Variants in PTPRK observed in about 807,000 individuals in gnomAD.
PTPRK encodes receptor-type tyrosine-protein phosphatase kappa.
Under a neutral mutation model 178.0 loss-of-function variants are expected in PTPRK, and 75 were observed. That is an observed-to-expected ratio of 0.42 (90% confidence interval 0.35 to 0.51). The LOEUF is 0.51. Among genes scored for constraint, PTPRK ranks in the 20% least tolerant of loss-of-function variants. The probability of loss-of-function intolerance (pLI) is 0.02; values close to 1 mark genes in which losing one functional copy is unlikely to be tolerated. For missense variants in PTPRK, 1,441 were observed against 1,797.8 expected (o/e 0.80, Z 3.59); for synonymous variants, 637 against 620.6 (o/e 1.03, Z -0.39).
intron 3 of PTPRK, among the ~76,000 whole-genome samples, chr6:128,288,295 T>A (rs1212598886): frequency 6.6e-6 from 1 of 152,226 alleles, no homozygotes; most frequent in Non-Finnish European, 1.5e-5. Flanking sequence ...CATTAAATAC[T>A]AAATTTTATA....
At chr6:128,267,600 C>G (rs1195168960) in intron 3 of PTPRK, among the ~76,000 whole-genome samples, 4 of 151,970 alleles carry the variant, frequency 2.6e-5, no homozygotes, top group Non-Finnish European at 5.9e-5. Flanking sequence ...AAAAAACTTC[C>G]TCAAAAAAGT....
intron 7 of PTPRK, among the ~76,000 whole-genome samples, chr6:128,129,466 A>T (rs1793883904): frequency 6.6e-6 from 1 of 152,178 alleles, no homozygotes; most frequent in South Asian, 2.1e-4. Context: ...GTATTCACCT[A>T]AATTTCATTG....
At chr6:128,411,649 G>A (rs936959187) in intron 1 of PTPRK, among the ~76,000 whole-genome samples, 3 of 152,134 alleles carry the variant, frequency 2.0e-5, no homozygotes, top group Non-Finnish European at 4.4e-5. Flanking sequence ...GATCTCAAAG[G>A]GGACTAATGA....
intron 1 of PTPRK, among the ~76,000 whole-genome samples, chr6:128,400,215 C>A (rs1840845706): frequency 6.6e-6 from 1 of 151,978 alleles, no homozygotes; most frequent in African/African-American, 2.4e-5. Context: ...GAATTGGCTA[C>A]TCACACCAGG....
At chr6:128,177,115 C>T (rs543022392) in intron 7 of PTPRK, among the ~76,000 whole-genome samples, 2 of 151,690 alleles carry the variant, frequency 1.3e-5, no homozygotes, top group Non-Finnish European at 3.0e-5. Flanking sequence ...ATAGCACCAT[C>T]AAAGAAAAGT....
At chr6:128,078,448 A>AC (rs1372900694) in intron 11 of PTPRK, among the ~76,000 whole-genome samples, 1 of 151,706 alleles carries the variant, frequency 6.6e-6, no homozygotes, top group African/African-American at 2.4e-5. Context: ...AAGAAAAACT[A>AC]CCCCCCAACC....
At chr6:128,356,062 A>G (rs1291093534) in intron 2 of PTPRK, among the ~76,000 whole-genome samples, 1 of 152,180 alleles carries the variant, frequency 6.6e-6, no homozygotes, top group Non-Finnish European at 1.5e-5. Flanking sequence ...AAATAGAGAA[A>G]TGCCTAGGTC....
chr6:127,990,916 C>T, intron 20 of PTPRK, 31 bp from the exon 21 acceptor site: 2 of 1,302,154 alleles, frequency 1.5e-6, no homozygotes, highest in Non-Finnish European at 2.2e-6. Flanking sequence ...ATAGACAGAC[C>T]TGAATATATA....
At chr6:128,508,472 T>C (rs1378529406) in intron 1 of PTPRK, among the ~76,000 whole-genome samples, 3 of 152,240 alleles carry the variant, frequency 2.0e-5, no homozygotes, top group African/African-American at 7.2e-5. Context: ...CAACTTTCTA[T>C]ATATGATATA....
intron 1 of PTPRK, among the ~76,000 whole-genome samples, chr6:128,461,231 C>CGTGTGTGTGTGTGT (rs144928884): frequency 2.2e-4 from 32 of 147,072 alleles, no homozygotes; most frequent in African/African-American, 7.4e-4. Context: ...TTTGTTATTC[C>CGTGTGTGTGTGTGT]GTGTGTGTGT....
At chr6:128,381,079 G>A (rs1383209923) in intron 2 of PTPRK, among the ~76,000 whole-genome samples, 1 of 152,154 alleles carries the variant, frequency 6.6e-6, no homozygotes, top group East Asian at 1.9e-4. Context: ...AATTTTTCCA[G>A]TGTCTCAGCT....
At position 128,083,793 on chromosome 6, in the gene PTPRK, T is replaced by C. The variant is rs766127360; in HGVS notation, c.1497A>G (p.Gln499=). The C allele has an allele frequency of 1.2e-6, 2 of 1,604,348 alleles. No homozygotes were observed. Residue 499 remains glutamine, a synonymous_variant, in exon 9 of 30, where the codon CAA becomes CAG. Transcript: ENST00000368226. ...VPGPVPVKSL[Q]GTSFENKIFL... is the part of the protein sequence containing the mutation. ...AGATCTTATTTTCAAAGGATGTTCC[T>C]TGAAGAGATTTTACTGGTACGGGAC... is the stretch of plus-strand genomic sequence containing the variant.
chr6:128,353,046 TA>T (rs1008087002), intron 2 of PTPRK, among the ~76,000 whole-genome samples: 2 of 151,950 alleles, frequency 1.3e-5, no homozygotes, highest in Admixed American at 6.6e-5. Flanking sequence ...ACTCAGCACT[TA>T]AAAAAAACTA....
At chr6:128,480,292 T>C (rs898037193) in intron 1 of PTPRK, among the ~76,000 whole-genome samples, 1 of 152,130 alleles carries the variant, frequency 6.6e-6, no homozygotes, top group Non-Finnish European at 1.5e-5. Flanking sequence ...TCAACTAAAA[T>C]TGGATAGGTG....
At chr6:128,275,589 A>G (rs1372039609) in intron 3 of PTPRK, among the ~76,000 whole-genome samples, 2 of 152,040 alleles carry the variant, frequency 1.3e-5, no homozygotes, top group East Asian at 1.9e-4. Flanking sequence ...AAAAGGGTCA[A>G]AACACTGAAC....
At chr6:128,152,630 G>C (rs1348960231) in intron 7 of PTPRK, among the ~76,000 whole-genome samples, 2 of 151,826 alleles carry the variant, frequency 1.3e-5, no homozygotes, top group East Asian at 3.9e-4. Context: ...CAAAGGGTCT[G>C]AGCAGTGTGT....
intron 1 of PTPRK, among the ~76,000 whole-genome samples, chr6:128,405,185 G>T (rs1243180072): frequency 6.6e-6 from 1 of 151,928 alleles, no homozygotes; most frequent in Non-Finnish European, 1.5e-5. Context: ...ATTTAAATAG[G>T]GTGACTTAAG....
chr6:128,070,550 G>A (rs1407942732), intron 11 of PTPRK, among the ~76,000 whole-genome samples: 1 of 151,870 alleles, frequency 6.6e-6, no homozygotes, highest in Non-Finnish European at 1.5e-5. Flanking sequence ...AATACAAAAA[G>A]ACTTCTGAGA....
intron 7 of PTPRK, among the ~76,000 whole-genome samples, chr6:128,183,680 T>C (rs1271218201): frequency 1.3e-5 from 2 of 152,138 alleles, no homozygotes; most frequent in African/African-American, 4.8e-5. Flanking sequence ...ACACTAAAAA[T>C]GTAGTCAAGT....
Sources: allele counts gnomAD v4.1 joint callset (sites outside exome capture counted in the v4.1 genomes callset), GRCh38; gene constraint gnomAD v4.1.1; transcripts MANE v1.5; gene names NCBI Gene and HGNC (gene_info 2026-07-23, HGNC 2026-07-21).